INTS4: variants seen among roughly 807,000 people sequenced by gnomAD.
INTS4 encodes the protein MSTP093.
INTS4 carries 70 observed loss-of-function variants against 119.5 expected under a neutral mutation model. That is an observed-to-expected ratio of 0.59 (90% confidence interval 0.48 to 0.71). The LOEUF is 0.71. Among genes scored for constraint, INTS4 ranks in the 30% least tolerant of loss-of-function variants. INTS4 has a pLI of 0.00. For missense variants in INTS4, 867 were observed against 1,173.2 expected (o/e 0.74, Z 3.81); for synonymous variants, 316 against 419.6 (o/e 0.75, Z 3.02).
chr11:77,929,300 C>T (rs897535930), intron 10 of INTS4, among the ~76,000 whole-genome samples: 20 of 152,104 alleles, frequency 1.3e-4, no homozygotes, highest in African/African-American at 4.8e-4. Flanking sequence ...TAAACTCTCC[C>T]TGGGAGATCT....
At chr11:77,960,862 G>GA (rs1346926407) in intron 5 of INTS4, 91 bp downstream of exon 5, 1 of 1,161,230 alleles carries the variant, frequency 8.6e-7, no homozygotes, top group Non-Finnish European at 1.2e-6. Context: ...ATATGCTGAA[G>GA]AATTTACAAT....
chr11:77,939,368 C>CGGGAGGCGGAGGTTGCA (rs943921187), intron 9 of INTS4, among the ~76,000 whole-genome samples: 5 of 152,104 alleles, frequency 3.3e-5, no homozygotes, highest in African/African-American at 9.7e-5. Flanking sequence ...CCCAGCTACT[C>CGGGAGGCGGAGGTTGCA]GGGAGGCGGA....
chr11:77,928,622 G>T, intron 10 of INTS4, 75 bp from the exon 11 acceptor site: 2 of 1,525,734 alleles, frequency 1.3e-6, no homozygotes, highest in South Asian at 2.5e-5. Context: ...AGCACTTTGG[G>T]AGGCCAAGGG....
chr11:77,949,882 A>G (rs1305118858), intron 8 of INTS4, among the ~76,000 whole-genome samples: 11 of 152,290 alleles, frequency 7.2e-5, no homozygotes, highest in African/African-American at 2.6e-4. Flanking sequence ...TACCCAAAGG[A>G]TTATAAATCA....
chr11:77,887,549 A>G (rs570709827), intron 21 of INTS4, among the ~76,000 whole-genome samples: 7 of 152,158 alleles, frequency 4.6e-5, no homozygotes, highest in African/African-American at 1.4e-4. Context: ...CCTATTCAAC[A>G]TAGTGTTGGA....
chr11:77,979,590 C>T (rs1028419621), intron 3 of INTS4, among the ~76,000 whole-genome samples: 1 of 151,786 alleles, frequency 6.6e-6, no homozygotes, highest in Non-Finnish European at 1.5e-5. Context: ...CTGAGTCCTC[C>T]ACGGGATAGA....
chr11:77,994,526 G>C, intron 1 of INTS4, 64 bp downstream of exon 1: 1 of 1,304,268 alleles, frequency 7.7e-7, no homozygotes, highest in East Asian at 2.3e-5. Flanking sequence ...CCGGCAAAGT[G>C]CCTGGGATTT....
intron 4 of INTS4, among the ~76,000 whole-genome samples, chr11:77,973,401 T>A (rs902760598): frequency 6.6e-6 from 1 of 152,202 alleles, no homozygotes; most frequent in African/African-American, 2.4e-5. Context: ...GACTTTTATT[T>A]CTTTTCTATG....
intron 7 of INTS4, among the ~76,000 whole-genome samples, chr11:77,957,587 T>C (rs560286319): frequency 6.6e-6 from 1 of 151,546 alleles, no homozygotes; most frequent in East Asian, 1.9e-4. Flanking sequence ...GGTTCAAAGA[T>C]TTATGAAATT....
At chr11:77,956,271 C>T (rs1185952595) in intron 7 of INTS4, among the ~76,000 whole-genome samples, 2 of 152,086 alleles carry the variant, frequency 1.3e-5, no homozygotes, top group African/African-American at 2.4e-5. Flanking sequence ...ATTAGCTAGG[C>T]GTGGTGGCAT....
chr11:77,928,694 A>T (rs1953571513), intron 10 of INTS4, 147 bp from the exon 11 acceptor site: 6 of 1,333,582 alleles, frequency 4.5e-6, no homozygotes, highest in Admixed American at 2.8e-5. Flanking sequence ...CAAAAATATT[A>T]AAAAATTAGC....
In INTS4 at chr11:77,918,878, T is replaced by C. The variant is rs770580492; in HGVS notation, c.1865A>G (p.Tyr622Cys). ...CTGAGGGTCCAAGTGCTGAAGACTA[T>C]ACACTCTTTCAAGGCTCTGCTGCAG... is the stretch of plus-strand genomic sequence containing the variant. ...QFLQQSLERV[Y>C]SLQHLDPQGA... The change falls in exon 15 of 23, where the codon TAT (tyrosine) becomes TGT (cysteine). Residue 622 changes from tyrosine (Y) to cysteine (C), a missense_variant. Transcript: ENST00000534064. 1.7e-5 allele frequency: 28 copies of C among 1,613,934 alleles called. 1 individual carries two copies. In the South Asian group the frequency reaches 1.9e-4, roughly 11 times the overall value.
Position 77,916,294 on chromosome 11 carries a change from C to T in INTS4, c.1922+2527G>A, listed in dbSNP as rs1565241863. ...CATCATAGAGTATATTTACACAAAT[C>T]TAAATGGTATAGCCTACTACACACC... On this transcript the variant is annotated intron_variant, in intron 15 of 22. Transcript: ENST00000534064. Among the ~76,000 whole-genome samples the T allele has an allele frequency of 4.6e-5, 7 of 152,162 alleles. No homozygotes were observed. In the South Asian group the frequency reaches 1.5e-3, roughly 32 times the overall value.
At chr11:77,920,015 G>A (rs1953301561) in intron 14 of INTS4, among the ~76,000 whole-genome samples, 1 of 151,778 alleles carries the variant, frequency 6.6e-6, no homozygotes, top group South Asian at 2.1e-4. Context: ...CACCATGTTG[G>A]CCAGGCTGGT....
At position 77,901,424 on chromosome 11, in the gene INTS4, C is replaced by T. The variant is rs1368262583; in HGVS notation, c.2225G>A (p.Arg742Gln). Residue 742 changes from arginine (R) to glutamine (Q), a missense_variant, in exon 18 of 23, where the codon CGA (arginine) becomes CAA (glutamine). By Grantham distance (43) the Arg-to-Gln change is conservative (BLOSUM62 1). This residue lies in a region of INTS4 where 262 missense variants were observed against 376.0 expected (regional missense o/e 0.70). Coordinates refer to ENST00000534064, the MANE Select transcript of INTS4 (RefSeq NM_033547.4). ...LQLIVTARTT[R>Q]GLDPLFGMCE... Reference sequence around the variant, plus strand: ...TTTGGCCAACCCCACATCTTACCCTCGTGTAGTTCGTGCTGTTACTATAAG... The same window carrying T: ...TTTGGCCAACCCCACATCTTACCCTTGTGTAGTTCGTGCTGTTACTATAAG... 4.3e-6 allele frequency: 7 copies of T among 1,613,936 alleles called. No homozygotes were observed. Among genetic ancestry groups the T allele is most frequent in the East Asian group, 2.2e-5 (1 of 44,872 alleles).
chr11:77,880,767 G>A (rs770777782), intron 22 of INTS4, among the ~76,000 whole-genome samples: 29 of 152,110 alleles, frequency 1.9e-4, no homozygotes, highest in Non-Finnish European at 3.2e-4. Flanking sequence ...AGACTAGCCT[G>A]GGCAACATAG....
At chr11:77,929,087 C>A (rs1359898310) in intron 10 of INTS4, among the ~76,000 whole-genome samples, 1 of 151,754 alleles carries the variant, frequency 6.6e-6, no homozygotes, top group South Asian at 2.1e-4. Flanking sequence ...GTGCCATACA[C>A]CAAAGTCCCA....
At chr11:77,985,441 CT>C (rs1041490706) in intron 2 of INTS4, among the ~76,000 whole-genome samples, 7 of 152,180 alleles carry the variant, frequency 4.6e-5, no homozygotes, top group Non-Finnish European at 7.3e-5. Flanking sequence ...GTCTTTCCCC[CT>C]GTCTTCCAAC....
chr11:77,963,964 G>C (rs532401631), intron 4 of INTS4, among the ~76,000 whole-genome samples: 1 of 152,254 alleles, frequency 6.6e-6, no homozygotes, highest in African/African-American at 2.4e-5. Context: ...ATAACAATTT[G>C]GTGTATTCTG....
Sources: allele counts gnomAD v4.1 joint callset (sites outside exome capture counted in the v4.1 genomes callset), GRCh38; gene constraint gnomAD v4.1.1; regional missense constraint gnomAD v4.1.1; transcripts MANE v1.5; gene names NCBI Gene and HGNC (gene_info 2026-07-23, HGNC 2026-07-21).